ROR1: variants seen among roughly 807,000 people sequenced by gnomAD.
ROR1 encodes inactive tyrosine-protein kinase transmembrane receptor ROR1.
In ROR1, 19 loss-of-function variants were observed where a neutral mutation model predicts 78.8. That is an observed-to-expected ratio of 0.24 (90% CI 0.17 to 0.35). ROR1 has a LOEUF of 0.35. Ranked by LOEUF, ROR1 falls within the 10% of genes least tolerant of loss-of-function variation. The pLI is 1.00. For missense variants in ROR1, 917 were observed against 1,177.8 expected (o/e 0.78, Z 3.24); for synonymous variants, 386 against 433.6 (o/e 0.89, Z 1.36).
At chr1:64,051,457 A>AAAAAAAAAAT (rs1359777733) in intron 4 of ROR1, among the ~76,000 whole-genome samples, 33 of 76,726 alleles carry the variant, frequency 4.3e-4, no homozygotes, top group African/African-American at 1.0e-3. Flanking sequence ...CTCAAAAATA[A>AAAAAAAAAAT]AAAATAAAAT....
At chr1:64,044,261 G>A (rs1206039977) in intron 2 of ROR1, among the ~76,000 whole-genome samples, 1 of 152,172 alleles carries the variant, frequency 6.6e-6, no homozygotes, top group Non-Finnish European at 1.5e-5. Context: ...TATGGAGTGT[G>A]ATGGAAACAG....
intron 1 of ROR1, among the ~76,000 whole-genome samples, chr1:63,785,774 G>A (rs1365557032): frequency 2.0e-5 from 3 of 152,026 alleles, no homozygotes; most frequent in African/African-American, 4.8e-5. Flanking sequence ...GATCTGCCCC[G>A]CTCAGCTTCC....
intron 1 of ROR1, among the ~76,000 whole-genome samples, chr1:63,883,358 G>T (rs1476361827): frequency 1.4e-5 from 2 of 146,988 alleles, no homozygotes; most frequent in Non-Finnish European, 3.0e-5. Flanking sequence ...TGACAGTGGA[G>T]CCTTTCTATC....
intron 1 of ROR1, among the ~76,000 whole-genome samples, chr1:63,897,203 T>C (rs892595903): frequency 6.6e-6 from 1 of 152,254 alleles, no homozygotes; most frequent in Non-Finnish European, 1.5e-5. Flanking sequence ...TTTATGGCTT[T>C]CATATTTTTA....
intron 4 of ROR1, among the ~76,000 whole-genome samples, chr1:64,061,294 G>T (rs2100605527): frequency 1.3e-5 from 2 of 152,292 alleles, no homozygotes; most frequent in Admixed American, 1.3e-4. Flanking sequence ...ACAGAAATGG[G>T]TGTCGGGAAC....
intron 4 of ROR1, among the ~76,000 whole-genome samples, chr1:64,092,898 T>G (rs1012692576): frequency 6.6e-6 from 1 of 152,238 alleles, no homozygotes; most frequent in African/African-American, 2.4e-5. Flanking sequence ...GCTAGATCCC[T>G]TATTCCCCTG....
At chr1:63,872,014 T>G (rs578014945) in intron 1 of ROR1, among the ~76,000 whole-genome samples, 24 of 152,362 alleles carry the variant, frequency 1.6e-4, no homozygotes, top group Non-Finnish European at 5.9e-5. Flanking sequence ...ACTGCATTTG[T>G]CAAAGTGTAA....
At chr1:64,052,095 A>C (rs1266987438) in intron 4 of ROR1, among the ~76,000 whole-genome samples, 1 of 152,190 alleles carries the variant, frequency 6.6e-6, no homozygotes, top group Admixed American at 6.5e-5. Flanking sequence ...TGCTAATTGC[A>C]TTCTACTTGC....
At chr1:64,018,254 ATAC>A (rs1646537066) in intron 2 of ROR1, among the ~76,000 whole-genome samples, 1 of 152,168 alleles carries the variant, frequency 6.6e-6, no homozygotes, top group South Asian at 2.1e-4. Flanking sequence ...AACGGAGATT[ATAC>A]AAAGTGCTTT....
At chr1:63,890,087 C>G (rs1645383696) in intron 1 of ROR1, among the ~76,000 whole-genome samples, 1 of 146,934 alleles carries the variant, frequency 6.8e-6, no homozygotes, top group South Asian at 2.1e-4. Context: ...CTGTCGTGAC[C>G]TACTTAAGGG....
rs79776419 is a variant in ROR1 at position 64,046,737 on chromosome 1, T to C, written c.164-2954T>C. Among the ~76,000 whole-genome samples, 587 of 152,300 alleles carry C rather than the reference T, an allele frequency of 3.9e-3. 7 individuals carry two copies. Among genetic ancestry groups the C allele is most frequent in the African/African-American group, 0.013 (558 of 41,570 alleles). ...TCCATGGGTCTCATGGTACCAAATCTCAGCCCTCAATGGGTCTCATGGTAC... is the reference window on the plus strand; with the variant it reads ...TCCATGGGTCTCATGGTACCAAATCCCAGCCCTCAATGGGTCTCATGGTAC... On this transcript the variant is annotated intron_variant, in intron 2 of 8. Coordinates refer to ENST00000371079, the MANE Select transcript of ROR1 (RefSeq NM_005012.4).
intron 1 of ROR1, among the ~76,000 whole-genome samples, chr1:63,854,297 C>A (rs752850611): frequency 6.6e-6 from 1 of 152,162 alleles, no homozygotes; most frequent in African/African-American, 2.4e-5. Context: ...GCACCACTTA[C>A]GTGTGGCTGA....
chr1:63,799,675 A>C (rs1569731013), intron 1 of ROR1, among the ~76,000 whole-genome samples: 1 of 149,490 alleles, frequency 6.7e-6, no homozygotes, highest in South Asian at 2.1e-4. Context: ...AGCTAGTGTC[A>C]CTCTTTTGGG....
intron 1 of ROR1, among the ~76,000 whole-genome samples, chr1:63,900,223 G>A (rs563021947): frequency 1.3e-5 from 2 of 152,158 alleles, no homozygotes; most frequent in South Asian, 2.1e-4. Context: ...GGAGGCCAAG[G>A]CGGGCAGATC....
intron 1 of ROR1, among the ~76,000 whole-genome samples, chr1:63,927,571 A>AAT (rs1320439419): frequency 1.3e-5 from 2 of 152,080 alleles, no homozygotes; most frequent in Admixed American, 6.6e-5. Flanking sequence ...AAAAAAAAAA[A>AAT]AATAGAGTAG....
At chr1:64,001,234 T>A (rs1258805079) in intron 1 of ROR1, among the ~76,000 whole-genome samples, 1 of 152,080 alleles carries the variant, frequency 6.6e-6, no homozygotes, top group Non-Finnish European at 1.5e-5. Flanking sequence ...AAGAAGCCAG[T>A]TTTTAAAAGG....
In ROR1 at chr1:64,025,584, G is replaced by T. The variant is rs528807413; in HGVS notation, c.163+16208G>T. Among the ~76,000 whole-genome samples, 901 of 151,258 alleles carry T rather than the reference G, an allele frequency of 6.0e-3. 9 individuals carry two copies. Among genetic ancestry groups the T allele is most frequent in the African/African-American group, 0.021 (872 of 41,206 alleles). On this transcript the variant is annotated intron_variant, in intron 2 of 8. Coordinates refer to ENST00000371079, the MANE Select transcript of ROR1 (RefSeq NM_005012.4). Reference sequence around the variant, plus strand: ...CAATGAGTGTATAAAGAAATTGTGAGATATATATATATGTATATATACATA... The same window carrying T: ...CAATGAGTGTATAAAGAAATTGTGATATATATATATATGTATATATACATA...
chr1:64,051,930 A>G (rs1035216562), intron 4 of ROR1, among the ~76,000 whole-genome samples: 4 of 152,248 alleles, frequency 2.6e-5, no homozygotes, highest in African/African-American at 9.6e-5. Flanking sequence ...GGGGTATTTT[A>G]ATACATTTGT....
chr1:64,171,869 C>A (rs1650253275), intron 8 of ROR1, among the ~76,000 whole-genome samples: 1 of 152,176 alleles, frequency 6.6e-6, no homozygotes, highest in South Asian at 2.1e-4. Flanking sequence ...ATGTTGCATA[C>A]AAATGTTGGC....
Sources: gnomAD v4.1 joint callset for allele counts (sites outside exome capture counted in the v4.1 genomes callset) on GRCh38, gnomAD v4.1.1 for gene constraint, MANE v1.5 for transcripts, NCBI Gene and HGNC (gene_info 2026-07-23, HGNC 2026-07-21) for gene names.